Variants in NARS2 observed in about 807,000 individuals in gnomAD.
NARS2 encodes the protein asparaginyl-tRNA synthetase.
Under a neutral mutation model 62.9 loss-of-function variants are expected in NARS2, and 60 were observed. That is an observed-to-expected ratio of 0.95 (90% CI 0.77 to 1.18). The LOEUF is 1.18. NARS2 is among the 50% of genes most tolerant of loss of function. The pLI is 0.00. For missense variants in NARS2, 619 were observed against 576.4 expected (o/e 1.07, Z -0.76); for synonymous variants, 196 against 200.0 (o/e 0.98, Z 0.17).
chr11:78,536,107 A>G (rs2135446509), intron 5 of NARS2, among the ~76,000 whole-genome samples: 1 of 152,322 alleles, frequency 6.6e-6, no homozygotes, highest in East Asian at 1.9e-4. Flanking sequence ...CCATAAGATT[A>G]TAATAGAGCT....
At chr11:78,536,408 C>T (rs114156395) in intron 5 of NARS2, among the ~76,000 whole-genome samples, 2,093 of 152,212 alleles carry the variant, frequency 0.014, 51 homozygotes, top group African/African-American at 0.047. Context: ...TGTGTTACTG[C>T]CCCTGAAGAC....
At chr11:78,473,547 G>C (rs1370650567) in intron 9 of NARS2, among the ~76,000 whole-genome samples, 2 of 152,164 alleles carry the variant, frequency 1.3e-5, no homozygotes, top group South Asian at 4.1e-4. Context: ...AGCTACTCCA[G>C]CATTATCACC....
chr11:78,468,917 C>T (rs972563176), intron 10 of NARS2, among the ~76,000 whole-genome samples: 20 of 151,682 alleles, frequency 1.3e-4, no homozygotes, highest in Admixed American at 1.2e-3. Context: ...TAGGCGTGAG[C>T]CCCAACACCT....
At chr11:78,509,863 G>A (rs975531000) in intron 6 of NARS2, among the ~76,000 whole-genome samples, 20 of 149,616 alleles carry the variant, frequency 1.3e-4, no homozygotes, top group Non-Finnish European at 2.8e-4. Context: ...GAAAAGAAAA[G>A]AAAGTGAGAG....
chr11:78,458,652 T>C lies in NARS2; in HGVS notation c.1164+7224A>G, dbSNP rs894570004. Among the ~76,000 whole-genome samples, 8 of 152,356 alleles carry C rather than the reference T, an allele frequency of 5.3e-5. No individual in the cohort carries two copies. In the South Asian group the frequency reaches 6.2e-4, roughly 12 times the overall value. ...CGTCGACAGTGTGTCTTAAACTTTG[T>C]TGGATTTGATTCATTAATCCATTCA... On this transcript the variant is annotated intron_variant, in intron 11 of 13. Coordinates refer to ENST00000281038, the MANE Select transcript of NARS2 (RefSeq NM_024678.6).
At position 78,436,689 on chromosome 11, in the gene NARS2, G is replaced by A. The variant is rs1857419914; in HGVS notation, c.1415C>T (p.Pro472Leu). Residue 472 changes from proline to leucine, a missense_variant, in exon 14 of 14, where the codon CCT becomes CTT. Physicochemically the swap from Pro to Leu is moderately conservative, Grantham distance 98. Coordinates refer to ENST00000281038, the MANE Select transcript of NARS2 (RefSeq NM_024678.6). ...IKDVIPFPRF[P>L]HSCLL The stretch of plus-strand genomic sequence containing the variant: ...TTCCAGCTATAAAAGGCATGAATGA[G>A]GAAACCTTGGGAAAGGGATAACATC... 1 of 1,614,110 alleles carries A rather than the reference G, an allele frequency of 6.2e-7. No individual in the cohort carries two copies. The highest frequency in any genetic ancestry group is 1.1e-5 in the South Asian group (1 of 91,072).
At chr11:78,490,375 C>CAA in intron 7 of NARS2, among the ~76,000 whole-genome samples, 1 of 152,294 alleles carries the variant, frequency 6.6e-6, no homozygotes, top group African/African-American at 2.4e-5. Flanking sequence ...AAAGGTAGTA[C>CAA]AAGGCAATGC....
intron 11 of NARS2, among the ~76,000 whole-genome samples, chr11:78,452,406 C>T (rs1158054081): frequency 1.3e-5 from 2 of 151,592 alleles, no homozygotes; most frequent in Non-Finnish European, 2.9e-5. Flanking sequence ...CGTGTCTGGC[C>T]GATTTTTTTT....
chr11:78,541,441 T>A (rs114560806), intron 5 of NARS2, among the ~76,000 whole-genome samples: 1 of 151,896 alleles, frequency 6.6e-6, no homozygotes, highest in Non-Finnish European at 1.5e-5. Flanking sequence ...ACTACAGGCA[T>A]ATACCACTGT....
At chr11:78,449,641 A>G (rs1242911239) in intron 11 of NARS2, among the ~76,000 whole-genome samples, 2 of 152,102 alleles carry the variant, frequency 1.3e-5, no homozygotes, top group African/African-American at 4.8e-5. Flanking sequence ...CAACCCCAGA[A>G]GCTTACAACC....
chr11:78,522,702 G>A (rs2135415034), intron 6 of NARS2, among the ~76,000 whole-genome samples: 1 of 152,226 alleles, frequency 6.6e-6, no homozygotes, highest in South Asian at 2.1e-4. Flanking sequence ...CAATTATGGG[G>A]CAAAAAAGAT....
chr11:78,526,778 A>G (rs957481330), intron 6 of NARS2, among the ~76,000 whole-genome samples: 3 of 152,148 alleles, frequency 2.0e-5, no homozygotes, highest in East Asian at 1.9e-4. Context: ...CTAAGTTTAT[A>G]TATTTCACAT....
intron 5 of NARS2, among the ~76,000 whole-genome samples, chr11:78,545,844 T>C (rs1427720144): frequency 2.6e-5 from 4 of 152,168 alleles, no homozygotes; most frequent in African/African-American, 9.7e-5. Flanking sequence ...GGTCCACTCA[T>C]GCTTTTTGAA....
At chr11:78,452,699 A>C (rs1858015457) in intron 11 of NARS2, among the ~76,000 whole-genome samples, 1 of 152,138 alleles carries the variant, frequency 6.6e-6, no homozygotes. Context: ...ATGAGTCACC[A>C]TGCCCAGCTC....
chr11:78,503,059 C>T (rs1860346688), intron 6 of NARS2, among the ~76,000 whole-genome samples: 1 of 150,272 alleles, frequency 6.7e-6, no homozygotes, highest in Non-Finnish European at 1.5e-5. Context: ...CATTTCATTT[C>T]ATCCTTGCTA....
intron 5 of NARS2, among the ~76,000 whole-genome samples, chr11:78,539,795 T>C (rs1163364920): frequency 6.6e-6 from 1 of 152,160 alleles, no homozygotes; most frequent in Non-Finnish European, 1.5e-5. Flanking sequence ...ATATACAAAG[T>C]CCTGCGTAAC....
At chr11:78,557,676 G>A (rs1431868334) in intron 5 of NARS2, among the ~76,000 whole-genome samples, 1 of 151,968 alleles carries the variant, frequency 6.6e-6, no homozygotes, top group Non-Finnish European at 1.5e-5. Context: ...TATGAACATA[G>A]TACACTTCTC....
At chr11:78,570,502 C>G (rs1856886343) in intron 2 of NARS2, among the ~76,000 whole-genome samples, 1 of 152,174 alleles carries the variant, frequency 6.6e-6, no homozygotes, top group Non-Finnish European at 1.5e-5. Context: ...ATGCTCTAGC[C>G]TCAACCGCCC....
rs11822083 is a variant in NARS2, at chr11:78,513,039, C to G, written c.689+15803G>C. On this transcript the variant is annotated intron_variant, in intron 6 of 13. Transcript: ENST00000281038. ...CTGAGGCAGGTGGATCACCTGAGGT[C>G]AGGAGTTTGAGGCCACCCTGGCCAA... Among the ~76,000 whole-genome samples the G allele has an allele frequency of 3.6e-3, 542 of 151,652 alleles. 4 individuals are homozygous for G. The highest frequency in any genetic ancestry group is 0.017 in the Middle Eastern group (5 of 294).
Sources: gnomAD v4.1 joint callset for allele counts (sites outside exome capture counted in the v4.1 genomes callset) on GRCh38, gnomAD v4.1.1 for gene constraint, MANE v1.5 for transcripts, NCBI Gene and HGNC (gene_info 2026-07-23, HGNC 2026-07-21) for gene names.